Variants in PRKCH observed in about 807,000 individuals in gnomAD.
PRKCH encodes protein kinase C eta.
PRKCH carries 28 observed loss-of-function variants against 82.5 expected under a neutral mutation model. The ratio of observed to expected loss-of-function variants is 0.34; its 90% confidence interval spans 0.25 to 0.47. The LOEUF (loss-of-function observed/expected upper bound fraction) is 0.47, where lower values mean the gene tolerates loss of function less well. Ranked by LOEUF, PRKCH falls within the 20% of genes least tolerant of loss-of-function variation. The pLI is 1.00. For missense variants in PRKCH, 705 were observed against 881.8 expected (o/e 0.80, Z 2.54); for synonymous variants, 322 against 327.4 (o/e 0.98, Z 0.18).
At chr14:61,366,462 G>C (rs1359902853) in intron 1 of PRKCH, among the ~76,000 whole-genome samples, 2 of 152,114 alleles carry the variant, frequency 1.3e-5, no homozygotes, top group African/African-American at 4.8e-5. Context: ...AAAGAAGCCA[G>C]ATCCAAACTT....
chr14:61,389,109 C>T (rs761933300), intron 1 of PRKCH, among the ~76,000 whole-genome samples: 2 of 152,222 alleles, frequency 1.3e-5, no homozygotes, highest in Non-Finnish European at 2.9e-5. Flanking sequence ...GGCATGGTGG[C>T]TCTCGCCTGT....
intron 10 of PRKCH, among the ~76,000 whole-genome samples, chr14:61,526,490 G>A (rs1297556283): frequency 1.3e-5 from 2 of 152,174 alleles, no homozygotes; most frequent in Admixed American, 6.5e-5. Context: ...TTCCATTCCT[G>A]GGCATTTTCT....
chr14:61,492,205 C>G (rs556231968), intron 10 of PRKCH: 1 of 152,338 alleles, frequency 6.6e-6, no homozygotes, highest in African/African-American at 2.4e-5. Context: ...AGTGTTCAGT[C>G]AGCTGATGAC....
intron 1 of PRKCH, among the ~76,000 whole-genome samples, chr14:61,302,355 T>C (rs1397531730): frequency 6.6e-6 from 1 of 152,198 alleles, no homozygotes; most frequent in East Asian, 1.9e-4. Context: ...TGCCTTTCTT[T>C]ATGGCATATA....
chr14:61,543,203 A>T (rs886854941), intron 12 of PRKCH, among the ~76,000 whole-genome samples: 1 of 152,162 alleles, frequency 6.6e-6, no homozygotes, highest in Non-Finnish European at 1.5e-5. Context: ...CAAATCCTTT[A>T]CATGTCCCCT....
At chr14:61,503,309 T>C (rs1208649124) in intron 10 of PRKCH, among the ~76,000 whole-genome samples, 4 of 151,218 alleles carry the variant, frequency 2.6e-5, no homozygotes, top group Non-Finnish European at 4.4e-5. Context: ...TTTTTTTTTT[T>C]CCTGTAAGAA....
chr14:61,533,737 T>G (rs984409622), intron 12 of PRKCH, among the ~76,000 whole-genome samples: 3 of 152,142 alleles, frequency 2.0e-5, no homozygotes, highest in Non-Finnish European at 2.9e-5. Context: ...TGAGATAACA[T>G]GTGTGGGTGC....
chr14:61,467,635 CT>C (rs1183066792), intron 9 of PRKCH, among the ~76,000 whole-genome samples: 2 of 152,208 alleles, frequency 1.3e-5, no homozygotes, highest in African/African-American at 4.8e-5. Context: ...AGACTTTCCC[CT>C]TTACAGGCAT....
At chr14:61,450,114 G>A (rs1393421365) in intron 5 of PRKCH, among the ~76,000 whole-genome samples, 1 of 152,172 alleles carries the variant, frequency 6.6e-6, no homozygotes, top group African/African-American at 2.4e-5. Flanking sequence ...TTGCTAAAGA[G>A]TATACCTAGA....
At chr14:61,436,675 G>T (rs1883694091) in intron 2 of PRKCH, among the ~76,000 whole-genome samples, 1 of 152,156 alleles carries the variant, frequency 6.6e-6, no homozygotes, top group African/African-American at 2.4e-5. Context: ...TGGGATTACA[G>T]GTGCCCGCCA....
At chr14:61,368,234 T>G (rs1422214005) in intron 1 of PRKCH, among the ~76,000 whole-genome samples, 1 of 152,006 alleles carries the variant, frequency 6.6e-6, no homozygotes, top group East Asian at 1.9e-4. Flanking sequence ...AGTTCCAACA[T>G]CTGCTGTAGA....
intron 9 of PRKCH, 133 bp from the exon 10 acceptor site, chr14:61,485,369 G>A: frequency 8.3e-7 from 1 of 1,203,972 alleles, no homozygotes. Flanking sequence ...CCTGACCCAT[G>A]GTCAGGATGT....
chr14:61,541,210 G>C (rs1348828987), intron 12 of PRKCH, among the ~76,000 whole-genome samples: 1 of 152,258 alleles, frequency 6.6e-6, no homozygotes, highest in Non-Finnish European at 1.5e-5. Context: ...GGAGAAGGTT[G>C]GTCTTCATAA....
chr14:61,514,152 C>G (rs1213103348), intron 10 of PRKCH, among the ~76,000 whole-genome samples: 1 of 151,988 alleles, frequency 6.6e-6, no homozygotes, highest in African/African-American at 2.4e-5. Context: ...CCGGGGATAC[C>G]AGGACACCAG....
chr14:61,446,252 T>C (rs1393812571), intron 4 of PRKCH, among the ~76,000 whole-genome samples: 1 of 152,046 alleles, frequency 6.6e-6, no homozygotes, highest in East Asian at 1.9e-4. Context: ...TTATATTTAG[T>C]TTTCACAATC....
At chr14:61,388,149 A>T (rs1243539072) in intron 1 of PRKCH, among the ~76,000 whole-genome samples, 5 of 64,404 alleles carry the variant, frequency 7.8e-5, no homozygotes, top group Non-Finnish European at 1.1e-4. Flanking sequence ...CTCTGTCTCA[A>T]AAAAAAAAAA....
intron 1 of PRKCH, among the ~76,000 whole-genome samples, chr14:61,227,454 C>T (rs942504405): frequency 6.6e-6 from 1 of 151,996 alleles, no homozygotes; most frequent in African/African-American, 2.4e-5. Context: ...ATTAGCCAGG[C>T]GTGGTGGCGA....
At chr14:61,292,098 A>G (rs186731989) in intron 1 of PRKCH, among the ~76,000 whole-genome samples, 1 of 152,280 alleles carries the variant, frequency 6.6e-6, no homozygotes, top group East Asian at 1.9e-4. Flanking sequence ...TGCACCACCT[A>G]GTAAATTAGG....
intron 1 of PRKCH, among the ~76,000 whole-genome samples, chr14:61,308,121 T>A (rs1402840149): frequency 6.6e-6 from 1 of 152,224 alleles, no homozygotes; most frequent in African/African-American, 2.4e-5. Flanking sequence ...ATTACAGGCA[T>A]GAGCCACTGT....
Sources: gnomAD v4.1 joint callset for allele counts (sites outside exome capture counted in the v4.1 genomes callset) on GRCh38, gnomAD v4.1.1 for gene constraint, MANE v1.5 for transcripts, NCBI Gene and HGNC (gene_info 2026-07-23, HGNC 2026-07-21) for gene names.